PTPRD: variants seen among roughly 807,000 people sequenced by gnomAD.
PTPRD encodes the protein protein tyrosine phosphatase receptor type D, also known as receptor-type tyrosine-protein phosphatase delta.
In PTPRD, 34 loss-of-function variants were observed where a neutral mutation model predicts 214.5. The observed-to-expected ratio is 0.16, with a 90% CI of 0.12 to 0.21. The LOEUF (loss-of-function observed/expected upper bound fraction) is 0.21. PTPRD is among the 10% of genes least tolerant of loss of function. The pLI, the probability that PTPRD is intolerant of heterozygous loss-of-function variation, is 1.00. For missense variants in PTPRD, 2,545 were observed against 2,398.7 expected (o/e 1.06, Z -1.27); for synonymous variants, 1,128 against 845.7 (o/e 1.33, Z -5.79).
At position 9,157,772 on chromosome 9, in the gene PTPRD, G is replaced by A. The variant is rs567179629; in HGVS notation, c.-143+25532C>T. 1.4e-4 allele frequency among the ~76,000 whole-genome samples: 21 copies of A among 151,892 alleles called. 2 individuals are homozygous for A. Among genetic ancestry groups the A allele is most frequent in the South Asian group, 8.3e-4 (4 of 4,822 alleles). On this transcript the variant is annotated intron_variant, in intron 10 of 45. Transcript: ENST00000381196. ...CGTCCAGGATGTGCAGGTTTGTTACGTAGGTAAACGTGTGCCACGGTGGTT... is the reference window on the plus strand; with the variant it reads ...CGTCCAGGATGTGCAGGTTTGTTACATAGGTAAACGTGTGCCACGGTGGTT...
intron 4 of PTPRD, among the ~76,000 whole-genome samples, chr9:9,975,485 G>C (rs2095318397): frequency 6.6e-6 from 1 of 152,228 alleles, no homozygotes; most frequent in Non-Finnish European, 1.5e-5. Flanking sequence ...GCCACTCTGA[G>C]TGAGGACCTA....
intron 3 of PTPRD, among the ~76,000 whole-genome samples, chr9:10,057,960 G>A (rs1036414272): frequency 6.6e-6 from 1 of 152,026 alleles, no homozygotes; most frequent in Non-Finnish European, 1.5e-5. Flanking sequence ...ACTTTAGTCT[G>A]TTTTGGAAAG....
In PTPRD at chr9:8,693,365, T is replaced by C. The variant is rs554981082; in HGVS notation, c.64+40415A>G. On this transcript the variant is annotated intron_variant, in intron 12 of 45. Transcript: ENST00000381196. ...ATGACAAACATATCCTTCTTCTCCATGTTGACGTACGCCAATGAAAATAAA... is the reference window on the plus strand; with the variant it reads ...ATGACAAACATATCCTTCTTCTCCACGTTGACGTACGCCAATGAAAATAAA... Among the ~76,000 whole-genome samples, 7 of 152,316 alleles carry C rather than the reference T, an allele frequency of 4.6e-5. No individual in the cohort carries two copies. The South Asian group carries it at 6.2e-4, about 14-fold the overall frequency.
At chr9:10,446,369 G>A (rs1396507379) in intron 2 of PTPRD, among the ~76,000 whole-genome samples, 8 of 150,030 alleles carry the variant, frequency 5.3e-5, no homozygotes, top group South Asian at 2.1e-4. Flanking sequence ...AAGAACTATT[G>A]AAGAGTAGTG....
intron 3 of PTPRD, among the ~76,000 whole-genome samples, chr9:10,332,276 T>C (rs1222050206): frequency 2.0e-5 from 3 of 151,806 alleles, no homozygotes; most frequent in African/African-American, 7.2e-5. Flanking sequence ...TCTTAAAATG[T>C]TTCACCAGCT....
chr9:8,696,359 CA>C, intron 12 of PTPRD, among the ~76,000 whole-genome samples: 1 of 152,296 alleles, frequency 6.6e-6, no homozygotes, highest in Non-Finnish European at 1.5e-5. Context: ...ACTTAACTAT[CA>C]AATGTTTATT....
intron 3 of PTPRD, among the ~76,000 whole-genome samples, chr9:10,168,607 T>C (rs1189830030): frequency 6.6e-6 from 1 of 152,224 alleles, no homozygotes; most frequent in African/African-American, 2.4e-5. Context: ...TCTTCCCATA[T>C]TTAAAAAAGA....
In PTPRD at chr9:9,749,585, C is replaced by G. The variant is rs550431073; in HGVS notation, c.-325-15014G>C. 1.6e-4 allele frequency among the ~76,000 whole-genome samples: 25 copies of G among 152,162 alleles called. No individual in the cohort carries two copies. The South Asian group carries it at 3.9e-3, about 24-fold the overall frequency. ...CTTAATTCCTTTCATGACTCCATAACAAGACAATATTCTATAGACAATCCA... is the reference window on the plus strand; with the variant it reads ...CTTAATTCCTTTCATGACTCCATAAGAAGACAATATTCTATAGACAATCCA... On this transcript the variant is annotated intron_variant, in intron 6 of 45. Transcript: ENST00000381196.
At chr9:9,989,395 CAGAGAAGAAAAGA>C (rs1357775657) in intron 4 of PTPRD, among the ~76,000 whole-genome samples, 1 of 152,086 alleles carries the variant, frequency 6.6e-6, no homozygotes, top group African/African-American at 2.4e-5. Flanking sequence ...AGCAGAGCGG[CAGAGAAGAAAAGA>C]AGAGAAGAGA....
chr9:10,223,688 TAA>T (rs2099579233), intron 3 of PTPRD, among the ~76,000 whole-genome samples: 1 of 139,792 alleles, frequency 7.2e-6, no homozygotes, highest in Non-Finnish European at 1.6e-5. Flanking sequence ...ATAATAATAA[TAA>T]TAATAATAAT....
At chr9:10,268,240 C>T (rs1015229622) in intron 3 of PTPRD, among the ~76,000 whole-genome samples, 9 of 149,634 alleles carry the variant, frequency 6.0e-5, no homozygotes, top group African/African-American at 2.0e-4. Context: ...CAGTAAGCTA[C>T]GATCATGCCA....
intron 5 of PTPRD, among the ~76,000 whole-genome samples, chr9:9,779,059 T>A (rs2098821956): frequency 1.2e-5 from 1 of 81,248 alleles, no homozygotes; most frequent in Non-Finnish European, 2.3e-5. Context: ...TACAGCCATG[T>A]GATCTTTCAT....
chr9:9,576,739 C>T (rs2088970445), intron 7 of PTPRD, among the ~76,000 whole-genome samples: 2 of 152,076 alleles, frequency 1.3e-5, no homozygotes, highest in Non-Finnish European at 2.9e-5. Flanking sequence ...ATTGTTATTA[C>T]TATTTTATTA....
At chr9:8,347,125 T>C (rs2074066610) in intron 39 of PTPRD, among the ~76,000 whole-genome samples, 1 of 152,008 alleles carries the variant, frequency 6.6e-6, no homozygotes, top group Non-Finnish European at 1.5e-5. Context: ...CTGGTGATCG[T>C]CTCTCTCTAG....
chr9:10,299,879 A>G (rs915136369), intron 3 of PTPRD, among the ~76,000 whole-genome samples: 21 of 152,226 alleles, frequency 1.4e-4, no homozygotes, highest in African/African-American at 4.8e-4. Flanking sequence ...ATATTAATGC[A>G]TAAAGTAACT....
chr9:9,066,704 G>C (rs2099735027), intron 10 of PTPRD, among the ~76,000 whole-genome samples: 1 of 152,108 alleles, frequency 6.6e-6, no homozygotes, highest in African/African-American at 2.4e-5. Context: ...AGAAAAGACA[G>C]GACCACAAAG....
chr9:10,081,422 T>C (rs1441485308), intron 3 of PTPRD, among the ~76,000 whole-genome samples: 3 of 152,024 alleles, frequency 2.0e-5, no homozygotes, highest in Non-Finnish European at 2.9e-5. Flanking sequence ...GTGATGATAC[T>C]AGGAGGTGGA....
intron 25 of PTPRD, 58 bp downstream of exon 25, chr9:8,499,589 T>C: frequency 6.5e-7 from 1 of 1,531,182 alleles, no homozygotes; most frequent in East Asian, 2.3e-5. Flanking sequence ...AATTTCAGGA[T>C]ATGAACTAAG....
intron 5 of PTPRD, among the ~76,000 whole-genome samples, chr9:9,843,605 G>C (rs1293038908): frequency 2.0e-5 from 3 of 151,800 alleles, no homozygotes; most frequent in Admixed American, 6.6e-5. Flanking sequence ...CATTTTGACA[G>C]GATATATCTC....
Sources: allele counts gnomAD v4.1 joint callset (sites outside exome capture counted in the v4.1 genomes callset), GRCh38; gene constraint gnomAD v4.1.1; transcripts MANE v1.5; gene names NCBI Gene and HGNC (gene_info 2026-07-23, HGNC 2026-07-21).